The following ZNF385C variants were observed in gnomAD, a reference collection of about 807,000 sequenced individuals.
ZNF385C encodes the protein zinc finger protein 385C, also known as CTD-2132N18.2.
In ZNF385C, 28 loss-of-function variants were observed where a neutral mutation model predicts 35.4. That is an observed-to-expected ratio of 0.79 (90% CI 0.59 to 1.08). The LOEUF (loss-of-function observed/expected upper bound fraction) is 1.08. Among genes scored for constraint, ZNF385C ranks in the 50% least tolerant of loss-of-function variants. ZNF385C has a pLI of 0.00. For missense variants in ZNF385C, 605 were observed against 595.6 expected, an observed-to-expected ratio of 1.02 and a Z score of -0.16; for synonymous variants, 248 against 248.2, an observed-to-expected ratio of 1.00 and a Z score of 0.01.
chr17:42,074,578 A>G (rs1218252644), intron 1 of ZNF385C, among the ~76,000 whole-genome samples: 2 of 152,196 alleles, frequency 1.3e-5, no homozygotes, highest in Admixed American at 6.5e-5. Flanking sequence ...TTTAGTAGAG[A>G]CAGGGTTTCA....
At chr17:42,076,442 A>G (rs2143914297) in intron 1 of ZNF385C, among the ~76,000 whole-genome samples, 1 of 152,302 alleles carries the variant, frequency 6.6e-6, no homozygotes, top group East Asian at 1.9e-4. Flanking sequence ...TAACACGGTG[A>G]AACCCCATCT....
At chr17:42,027,346 G>A (rs1331432939) in intron 8 of ZNF385C, among the ~76,000 whole-genome samples, 5 of 152,034 alleles carry the variant, frequency 3.3e-5, no homozygotes, top group African/African-American at 1.2e-4. Flanking sequence ...TCTCAGCATG[G>A]GAGAAGGGAG....
At chr17:42,037,310 C>T (rs879970970) in intron 3 of ZNF385C, among the ~76,000 whole-genome samples, 1 of 151,248 alleles carries the variant, frequency 6.6e-6, no homozygotes, top group Admixed American at 6.6e-5. Context: ...CGTTGGACAC[C>T]AACACACAAA....
intron 1 of ZNF385C, among the ~76,000 whole-genome samples, chr17:42,071,900 C>T (rs781512610): frequency 6.6e-6 from 1 of 152,214 alleles, no homozygotes; most frequent in Non-Finnish European, 1.5e-5. Flanking sequence ...GTCCTGGAAG[C>T]CAGAAGGAGG....
At chr17:42,067,079 AAAAG>A (rs1363621024) in intron 1 of ZNF385C, among the ~76,000 whole-genome samples, 8 of 150,116 alleles carry the variant, frequency 5.3e-5, no homozygotes, top group African/African-American at 1.5e-4. Flanking sequence ...AGAAAAAAAA[AAAAG>A]AGAGAGAGAC....
chr17:42,039,741 C>A (rs1044540984), intron 2 of ZNF385C: 1 of 1,232,396 alleles, frequency 8.1e-7, no homozygotes, highest in Non-Finnish European at 1.0e-6. Flanking sequence ...CCTCTCCCCA[C>A]CCACTCTCTA....
At chr17:42,090,685 G>C (rs2143952824) in intron 1 of ZNF385C, among the ~76,000 whole-genome samples, 1 of 151,638 alleles carries the variant, frequency 6.6e-6, no homozygotes, top group South Asian at 2.1e-4. Context: ...ACGAGGTCAG[G>C]AGATCGAGAC....
In ZNF385C at chr17:42,095,255, G is replaced by A. The variant is rs11869338; in HGVS notation, c.-3+3155C>T. ...AGACGGTGTGTCCAGGTGCCACAGG[G>A]CACTTGACTACAGTCAACACCAGCG... is the stretch of plus-strand genomic sequence containing the variant. On this transcript the variant is annotated intron_variant, in intron 1 of 8. Transcript: ENST00000692273. This position sits in a 1 kb window ranked among gnomAD's most constrained non-coding sequence, Gnocchi z 4.4. Among the ~76,000 whole-genome samples, 2,402 of 152,244 alleles carry A rather than the reference G, an allele frequency of 0.016. 41 individuals are homozygous for A. The highest frequency in any genetic ancestry group is 0.034 in the African/African-American group (1,418 of 41,536).
At chr17:42,027,914 A>T in intron 7 of ZNF385C, 136 bp downstream of exon 7, 3 of 1,282,230 alleles carry the variant, frequency 2.3e-6, no homozygotes, top group Non-Finnish European at 3.3e-6. Context: ...TAATTGGCCC[A>T]CTGGCCTGCT....
chr17:42,084,835 T>A (rs1178628445), intron 1 of ZNF385C, among the ~76,000 whole-genome samples: 1 of 152,144 alleles, frequency 6.6e-6, no homozygotes, highest in East Asian at 1.9e-4. Context: ...TAGGCTGATC[T>A]TGAACACCTG....
rs1036192099 is a variant in ZNF385C at position 42,037,720 on chromosome 17, G to A, written c.399+17C>T. On this transcript the variant is annotated intron_variant, in intron 3 of 8. Transcript: ENST00000692273. Reference sequence around the variant, plus strand: ...CAAGCTTGTGTGCATGCCCCCACCCGCCAGCCCAGCCCATACCGTGCTGAA... The same window carrying A: ...CAAGCTTGTGTGCATGCCCCCACCCACCAGCCCAGCCCATACCGTGCTGAA... 9.7e-5 allele frequency: 146 copies of A among 1,504,516 alleles called. No homozygotes were observed. The Middle Eastern group carries it at 1.2e-3, about 12-fold the overall frequency. The allele number at this position is 1,504,516 out of a possible 1,614,324, so 93.2% of individuals were successfully genotyped here. A position where few individuals can be genotyped will look rare whatever the true frequency, so the allele number is the denominator to read the frequency against.
At chr17:42,097,974 C>G (rs2053934409) in intron 1 of ZNF385C, among the ~76,000 whole-genome samples, 1 of 152,214 alleles carries the variant, frequency 6.6e-6, no homozygotes, top group South Asian at 2.1e-4. Context: ...CGGCTTTTAC[C>G]TCATTAGCCC....
At chr17:42,066,581 G>A (rs1380502145) in intron 1 of ZNF385C, among the ~76,000 whole-genome samples, 2 of 152,158 alleles carry the variant, frequency 1.3e-5, no homozygotes, top group Admixed American at 1.3e-4. Flanking sequence ...GACTGTCACT[G>A]AACATCTGAG....
chr17:42,075,294 G>A (rs1324238042), intron 1 of ZNF385C, among the ~76,000 whole-genome samples: 4 of 152,002 alleles, frequency 2.6e-5, no homozygotes, highest in Admixed American at 2.6e-4. Flanking sequence ...TAATTAAACT[G>A]TCTCTCCCAA....
chr17:42,076,579 G>A (rs1462537935), intron 1 of ZNF385C, among the ~76,000 whole-genome samples: 3 of 151,938 alleles, frequency 2.0e-5, no homozygotes, highest in East Asian at 1.9e-4. Flanking sequence ...CCAAGATCGC[G>A]CCACTGCACT....
At chr17:42,094,038 C>T (rs1232310980) in intron 1 of ZNF385C, among the ~76,000 whole-genome samples, 1 of 150,448 alleles carries the variant, frequency 6.6e-6, no homozygotes, top group Non-Finnish European at 1.5e-5. Flanking sequence ...GGCTGGAGTG[C>T]AATGGCGCAA....
intron 1 of ZNF385C, among the ~76,000 whole-genome samples, chr17:42,063,880 T>C (rs546868296): frequency 1.5e-3 from 228 of 152,224 alleles, no homozygotes; most frequent in Non-Finnish European, 2.7e-3. Flanking sequence ...CAGGGTGACA[T>C]TCACAAATGG....
intron 2 of ZNF385C, among the ~76,000 whole-genome samples, chr17:42,058,023 G>A (rs1419513502): frequency 6.6e-6 from 1 of 152,108 alleles, no homozygotes; most frequent in Non-Finnish European, 1.5e-5. Context: ...GGCAGTGCTT[G>A]GAGGAGGGAG....
intron 3 of ZNF385C, among the ~76,000 whole-genome samples, chr17:42,036,921 C>A (rs1323547261): frequency 1.3e-5 from 2 of 152,070 alleles, no homozygotes; most frequent in African/African-American, 4.8e-5. Context: ...CATGCCACAC[C>A]CATGATTTCA....
Sources: allele counts gnomAD v4.1 joint callset (sites outside exome capture counted in the v4.1 genomes callset), GRCh38; gene constraint gnomAD v4.1.1; non-coding constraint Gnocchi (gnomAD v3.1); transcripts MANE v1.5; gene names NCBI Gene and HGNC (gene_info 2026-07-23, HGNC 2026-07-21).